SH3TC2: variants seen among roughly 807,000 people sequenced by gnomAD.
The protein encoded by SH3TC2 is SH3 domain and tetratricopeptide repeat-containing protein 2.
SH3TC2 carries 87 observed loss-of-function variants against 124.5 expected under a neutral mutation model. The ratio of observed to expected loss-of-function variants is 0.70; its 90% CI spans 0.59 to 0.84. The LOEUF is 0.84. SH3TC2 is among the 40% of genes least tolerant of loss of function. The probability of loss-of-function intolerance (pLI) is 0.00; values close to 1 mark genes in which losing one functional copy is unlikely to be tolerated. For synonymous variants in SH3TC2, 634 were observed against 628.5 expected, an observed-to-expected ratio of 1.01 and a Z score of -0.13; for missense variants, 1,536 against 1,566.4, an observed-to-expected ratio of 0.98 and a Z score of 0.33.
Position 149,022,332 on chromosome 5 carries a change from A to G in SH3TC2, c.3053+4240T>C, listed in dbSNP as rs1454507342. Among the ~76,000 whole-genome samples, 4 of 152,322 alleles carry G rather than the reference A, an allele frequency of 2.6e-5. No individual in the cohort carries two copies. The East Asian group carries it at 7.7e-4, about 29-fold the overall frequency. On this transcript the variant is annotated intron_variant, in intron 12 of 16. Transcript: ENST00000515425. ...TAAGAAAATGTAAATCAAAACCACA[A>G]TGAGATACAATATCACTCCCACTAG...
chr5:149,031,782 A>G (rs1417976879), intron 8 of SH3TC2, 95 bp from the exon 9 acceptor site: 11 of 1,548,288 alleles, frequency 7.1e-6, no homozygotes, highest in Non-Finnish European at 9.7e-6. Flanking sequence ...GAGGATGCAG[A>G]AAAGTCATCA....
rs750545863 is a variant in SH3TC2 at position 149,027,072 on chromosome 5, A to T, written c.2660T>A (p.Leu887His). 2 of 1,614,184 alleles carry T rather than the reference A, an allele frequency of 1.2e-6. No homozygotes were observed. The highest frequency in any genetic ancestry group is 1.7e-6 in the Non-Finnish European group (2 of 1,180,012). Residue 887 changes from leucine to histidine, a missense_variant, in exon 11 of 17, where the codon CTT becomes CAT. Leu to His is a moderately conservative substitution (Grantham distance 99). Transcript: ENST00000515425. Reference sequence around the variant, plus strand: ...GGCTGGATGCTGAGCCCAGGACTTAAGGCTCAGGTGGCCAAGATTGGCCAT... The same window carrying T: ...GGCTGGATGCTGAGCCCAGGACTTATGGCTCAGGTGGCCAAGATTGGCCAT... ...VAMANLGHLS[L>H]KSWAQHPARN...
rs1306229414 is a variant in SH3TC2 at position 149,004,903 on chromosome 5, C to T, written c.3676-1G>A. 1.9e-6 allele frequency: 3 copies of T among 1,614,158 alleles called. No homozygotes were observed. Among genetic ancestry groups the T allele is most frequent in the Admixed American group, 1.7e-5 (1 of 60,026 alleles). On this transcript the variant is annotated splice_acceptor_variant, in intron 16 of 16. Coordinates refer to ENST00000515425, the MANE Select transcript of SH3TC2 (RefSeq NM_024577.4). LOFTEE classifies it high-confidence loss of function. ...AGTACTCAGTGGCATCATGGGCATC[C>T]TAACCCCGTGGTATGGGGGCAAAGA... is the stretch of plus-strand genomic sequence containing the variant.
Position 149,027,276 on chromosome 5 carries a change from A to G in SH3TC2, c.2456T>C (p.Leu819Pro). The change falls in exon 11 of 17, where the codon CTT becomes CCT. Residue 819 changes from leucine to proline, a missense_variant. Leu to Pro is a moderately conservative substitution (Grantham distance 98). Coordinates refer to ENST00000515425, the MANE Select transcript of SH3TC2 (RefSeq NM_024577.4). ...ASQAKKALDV[L>P]EPLLCSLKET... ...CTTCAGGGAGCATAGCAGTGGCTCA[A>G]GCACATCCAAAGCCTTCTTGGCCTG... 1.9e-6 allele frequency: 3 copies of G among 1,614,134 alleles called. No individual in the cohort carries two copies. The highest frequency in any genetic ancestry group is 2.5e-6 in the Non-Finnish European group (3 of 1,180,044).
At chr5:149,035,632 C>G (rs911729762) in intron 8 of SH3TC2, 1 of 152,344 alleles carries the variant, frequency 6.6e-6, no homozygotes, top group Non-Finnish European at 1.5e-5. Context: ...AGCCAGTTCC[C>G]CTCTTCTCCT....
In SH3TC2 at chr5:148,989,296, A is replaced by C. The variant is rs927080080; in HGVS notation, c.*15415T>G. Among the ~76,000 whole-genome samples the C allele has an allele frequency of 6.6e-6, 1 of 152,224 alleles. No homozygotes were observed. Among genetic ancestry groups the C allele is most frequent in the Non-Finnish European group, 1.5e-5 (1 of 68,040 alleles). On this transcript the variant is annotated 3_prime_UTR_variant, in exon 17 of 17. Transcript: ENST00000515425. ...TCATTAATTTTACAATAACTTTGCT[A>C]TATAGGTATTTATTATCCCCATTTT...
rs1440326044 is a variant in SH3TC2, at chr5:148,983,937, C to T, written c.*20774G>A. 6.6e-6 allele frequency among the ~76,000 whole-genome samples: 1 copy of T among 152,170 alleles called. No homozygotes were observed. The highest frequency in any genetic ancestry group is 1.5e-5 in the Non-Finnish European group (1 of 68,028). ...ATCTTTGAGGTACTATCAACCTGCT[C>T]CTGGAACCAGTGTGGTTTTTAAGTC... On this transcript the variant is annotated 3_prime_UTR_variant, in exon 17 of 17. Transcript: ENST00000515425.
chr5:149,009,676 G>A (rs887810906), intron 14 of SH3TC2, among the ~76,000 whole-genome samples: 1 of 152,132 alleles, frequency 6.6e-6, no homozygotes, highest in Non-Finnish European at 1.5e-5. Context: ...AGTTGGTGAT[G>A]AACAACAATC....
At position 148,985,027 on chromosome 5, in the gene SH3TC2, C is replaced by T. The variant is rs1421407826; in HGVS notation, c.*19684G>A. 1.3e-5 allele frequency among the ~76,000 whole-genome samples: 2 copies of T among 152,046 alleles called. No individual in the cohort carries two copies. Among genetic ancestry groups the T allele is most frequent in the African/African-American group, 4.8e-5 (2 of 41,388 alleles). ...TTTTAATCTGGTTTTCATGGTTCCA[C>T]CAACCTGGGCAAGCTAATCTGGTTA... On this transcript the variant is annotated 3_prime_UTR_variant, in exon 17 of 17. Transcript: ENST00000515425.
intron 12 of SH3TC2, among the ~76,000 whole-genome samples, chr5:149,015,800 T>C (rs1266369373): frequency 2.0e-5 from 3 of 152,172 alleles, no homozygotes; most frequent in Admixed American, 1.3e-4. Flanking sequence ...CCTCCACTAA[T>C]TGGTCATGTC....
rs144529689 is a variant in SH3TC2, at chr5:148,982,690, A to G, written c.*22021T>C. Among the ~76,000 whole-genome samples, 5 of 152,292 alleles carry G rather than the reference A, an allele frequency of 3.3e-5. No individual in the cohort carries two copies. The highest frequency in any genetic ancestry group is 7.2e-5 in the African/African-American group (3 of 41,582). Reference sequence around the variant, plus strand: ...ATTTAAAATGGCGGGAGAGTATGTCACTGAATTGTTTTTATACACACAAAA... The same window carrying G: ...ATTTAAAATGGCGGGAGAGTATGTCGCTGAATTGTTTTTATACACACAAAA... On this transcript the variant is annotated 3_prime_UTR_variant, in exon 17 of 17. Transcript: ENST00000515425.
intron 12 of SH3TC2, among the ~76,000 whole-genome samples, chr5:149,017,924 C>T (rs1003831539): frequency 6.6e-6 from 1 of 152,190 alleles, no homozygotes; most frequent in Admixed American, 6.5e-5. Flanking sequence ...TGCAACACAG[C>T]CACATTTATT....
chr5:149,031,995 C>G (rs1754202464), intron 8 of SH3TC2, among the ~76,000 whole-genome samples: 1 of 152,294 alleles, frequency 6.6e-6, no homozygotes, highest in Non-Finnish European at 1.5e-5. Flanking sequence ...CTCTCAACCT[C>G]TACCCATTCT....
intron 9 of SH3TC2, 88 bp from the exon 10 acceptor site, chr5:149,028,806 C>T: frequency 7.4e-7 from 1 of 1,352,910 alleles, no homozygotes; most frequent in Non-Finnish European, 1.1e-6. Context: ...TCAGTGGCCT[C>T]TTAGGAGCCT....
intron 8 of SH3TC2, among the ~76,000 whole-genome samples, chr5:149,037,347 G>A (rs1010065113): frequency 6.6e-6 from 1 of 152,112 alleles, no homozygotes; most frequent in African/African-American, 2.4e-5. Flanking sequence ...CAGGAGCTCA[G>A]TGAGTGGTCT....
Position 149,010,321 on chromosome 5 carries a change from A to G in SH3TC2, c.3276T>C (p.Asp1092=), listed in dbSNP as rs776248633. ...LALKLYEEAG[D]VFFNGTRHRH... is the part of the protein sequence containing the mutation. ...TGTGGCGGGTCCCATTGAAGAACACATCACCTGCTTCTTCATAAAGTTTGA... is the reference window on the plus strand; with the variant it reads ...TGTGGCGGGTCCCATTGAAGAACACGTCACCTGCTTCTTCATAAAGTTTGA... The change falls in exon 14 of 17, where the codon GAT becomes GAC. Residue 1092 remains aspartate (D), a synonymous_variant. Coordinates refer to ENST00000515425, the MANE Select transcript of SH3TC2 (RefSeq NM_024577.4). The G allele has an allele frequency of 6.2e-7, 1 of 1,614,084 alleles. No individual in the cohort carries two copies. Among genetic ancestry groups the G allele is most frequent in the South Asian group, 1.1e-5 (1 of 91,078 alleles).
Position 149,026,565 on chromosome 5 carries a change from G to A in SH3TC2, c.3053+7C>T. Reference sequence around the variant, plus strand: ...TGCTTCTAGGACAGTTCCTGACCCTGACTCACCTGGCGGTATTTAGGTTCC... The same window carrying A: ...TGCTTCTAGGACAGTTCCTGACCCTAACTCACCTGGCGGTATTTAGGTTCC... On this transcript the variant is annotated splice_region_variant and intron_variant, in intron 12 of 16. Coordinates refer to ENST00000515425, the MANE Select transcript of SH3TC2 (RefSeq NM_024577.4). 6.2e-7 allele frequency: 1 copy of A among 1,613,624 alleles called. No homozygotes were observed. Among genetic ancestry groups the A allele is most frequent in the East Asian group, 2.2e-5 (1 of 44,878 alleles).
chr5:149,038,224 C>G (rs1754314583), intron 8 of SH3TC2, 71 bp downstream of exon 8: 2 of 1,513,324 alleles, frequency 1.3e-6, no homozygotes, highest in African/African-American at 2.7e-5. Context: ...AACTGCAAAT[C>G]TGCTCAAAGA....
intron 1 of SH3TC2, among the ~76,000 whole-genome samples, chr5:149,054,543 C>T (rs1028997676): frequency 6.8e-6 from 1 of 146,652 alleles, no homozygotes; most frequent in Non-Finnish European, 1.5e-5. Context: ...TACAGCAAAC[C>T]CACAAACATC....
Sources: gnomAD v4.1 joint callset for allele counts (sites outside exome capture counted in the v4.1 genomes callset) on GRCh38, gnomAD v4.1.1 for gene constraint, MANE v1.5 for transcripts, NCBI Gene and HGNC (gene_info 2026-07-23, HGNC 2026-07-21) for gene names.